The following PFKFB3 variants were observed in gnomAD, a reference collection of about 807,000 sequenced individuals.
PFKFB3 encodes the protein 6-phosphofructo-2-kinase/fructose-2,6-bisphosphatase 3.
Under a neutral mutation model 68.0 loss-of-function variants are expected in PFKFB3, and 33 were observed. The ratio of observed to expected loss-of-function variants is 0.49; its 90% CI spans 0.37 to 0.65. PFKFB3 has a LOEUF of 0.65. PFKFB3 is among the 30% of genes least tolerant of loss of function. The probability of loss-of-function intolerance (pLI) is 0.00; values close to 1 mark genes in which losing one functional copy is unlikely to be tolerated. For missense variants in PFKFB3, 586 were observed against 712.2 expected, an observed-to-expected ratio of 0.82 and a Z score of 2.02; for synonymous variants, 315 against 288.2, an observed-to-expected ratio of 1.09 and a Z score of -0.94.
At chr10:6,246,912 C>T (rs889938751) in intron 14 of PFKFB3, among the ~76,000 whole-genome samples, 6 of 152,156 alleles carry the variant, frequency 3.9e-5, no homozygotes, top group Admixed American at 1.3e-4. Context: ...AGTTAGGTGC[C>T]GAAGAAGCCA....
intron 14 of PFKFB3, among the ~76,000 whole-genome samples, chr10:6,226,979 A>C (rs1845404879): frequency 6.6e-6 from 1 of 152,020 alleles, no homozygotes; most frequent in Admixed American, 6.5e-5. Context: ...CCAGCTTCTC[A>C]GGAGGCTGAG....
chr10:6,232,703 G>A (rs951577929), intron 14 of PFKFB3, among the ~76,000 whole-genome samples, 192 bp from the exon 15 acceptor site: 1 of 151,636 alleles, frequency 6.6e-6, no homozygotes, highest in Non-Finnish European at 1.5e-5. Flanking sequence ...GGGTTATCTT[G>A]CGTCATGTTC....
intron 14 of PFKFB3, among the ~76,000 whole-genome samples, chr10:6,245,373 G>A (rs1364536497): frequency 6.6e-6 from 1 of 151,056 alleles, no homozygotes; most frequent in African/African-American, 2.4e-5. Context: ...AGGATTACTG[G>A]CATGAGCTAC....
intron 1 of PFKFB3, among the ~76,000 whole-genome samples, chr10:6,184,273 G>A (rs192654252): frequency 6.6e-6 from 1 of 151,778 alleles, no homozygotes; most frequent in South Asian, 2.1e-4. Context: ...GCCTGGTCTC[G>A]AGCTTCTGAC....
chr10:6,162,279 A>G (rs1483734961), intron 1 of PFKFB3, among the ~76,000 whole-genome samples: 1 of 152,184 alleles, frequency 6.6e-6, no homozygotes, highest in Non-Finnish European at 1.5e-5. Flanking sequence ...GTATCCATTC[A>G]TCTGTTGTTG....
chr10:6,216,478 C>CT (rs1056743834), intron 4 of PFKFB3, among the ~76,000 whole-genome samples: 10 of 152,094 alleles, frequency 6.6e-5, no homozygotes, highest in African/African-American at 2.4e-4. Context: ...TGCTTGTTTG[C>CT]TTTTGGGGTA....
At chr10:6,212,034 C>T (rs1044507130) in intron 1 of PFKFB3, among the ~76,000 whole-genome samples, 3 of 152,370 alleles carry the variant, frequency 2.0e-5, no homozygotes, top group African/African-American at 7.2e-5. Flanking sequence ...CATAAGCCTG[C>T]TCAGCTCGGA....
the PFKFB3 span, among the ~76,000 whole-genome samples, chr10:6,286,584 GC>G: frequency 6.6e-6 from 1 of 150,896 alleles, no homozygotes; most frequent in African/African-American, 2.4e-5. Context: ...CACTATGTTC[GC>G]CAGGCTGGTC....
intron 1 of PFKFB3, among the ~76,000 whole-genome samples, chr10:6,146,032 G>A (rs1469893824): frequency 6.6e-6 from 1 of 152,284 alleles, no homozygotes; most frequent in East Asian, 1.9e-4. Flanking sequence ...CTCCTGCGCC[G>A]TCTGTTTGGG....
At chr10:6,285,972 G>GTTTTTTT in the PFKFB3 span, among the ~76,000 whole-genome samples, 19 of 89,082 alleles carry the variant, frequency 2.1e-4, no homozygotes, top group East Asian at 3.6e-4. Flanking sequence ...TCCTTTCACT[G>GTTTTTTT]TTTTTTTTTT....
upstream of PFKFB3, among the ~76,000 whole-genome samples, chr10:6,200,950 C>T (rs1564613616): frequency 6.6e-6 from 1 of 152,236 alleles, no homozygotes; most frequent in Non-Finnish European, 1.5e-5. Context: ...TCTGCTCTCC[C>T]TGTGAGCTGA....
At chr10:6,183,260 C>T (rs775341395) in intron 1 of PFKFB3, among the ~76,000 whole-genome samples, 9 of 152,134 alleles carry the variant, frequency 5.9e-5, no homozygotes, top group South Asian at 2.1e-4. Flanking sequence ...GAGAAAAGTC[C>T]GCAGGCCCAG....
chr10:6,316,319 C>G, the PFKFB3 span, among the ~76,000 whole-genome samples: 1 of 152,298 alleles, frequency 6.6e-6, no homozygotes. Context: ...AATGTCAGAG[C>G]CACGTGGAGG....
chr10:6,194,442 G>A (rs1843116879), intron 1 of PFKFB3, among the ~76,000 whole-genome samples: 2 of 152,216 alleles, frequency 1.3e-5, no homozygotes, highest in South Asian at 4.1e-4. Context: ...TTAGCCTGAA[G>A]GATGCCTGTT....
chr10:6,219,713 G>A lies in PFKFB3; in HGVS notation c.623+20G>A, dbSNP rs765526430. ...CGACAGGTGATTCCCGTGGCTGGCC[G>A]TCTCTGCAAGACCCACATGAGGGTT... On this transcript the variant is annotated intron_variant, in intron 7 of 14. Coordinates refer to ENST00000379775, the MANE Select transcript of PFKFB3 (RefSeq NM_004566.4). 9.9e-6 allele frequency: 16 copies of A among 1,611,708 alleles called. 1 individual carries two copies. Among genetic ancestry groups the A allele is most frequent in the East Asian group, 2.2e-5 (1 of 44,854 alleles).
Position 6,154,654 on chromosome 10 carries a change from G to A in PFKFB3, c.16+9641G>A, listed in dbSNP as rs1175661430. Among the ~76,000 whole-genome samples, 2 of 152,206 alleles carry A rather than the reference G, an allele frequency of 1.3e-5. No individual in the cohort carries two copies. Among genetic ancestry groups the A allele is most frequent in the Non-Finnish European group, 2.9e-5 (2 of 68,042 alleles). On this transcript the variant is annotated intron_variant, in intron 1 of 14. Coordinates refer to the PFKFB3 transcript ENST00000379789. This position sits in a 1 kb window ranked among gnomAD's most constrained non-coding sequence, Gnocchi z 4.6. ...GGCAGGAGACCAGGTGGGAGTCTCT[G>A]GGCCTGCTGCAGGTGGCTGCGATCA... is the stretch of plus-strand genomic sequence containing the variant.
chr10:6,145,928 G>A (rs1841375445), intron 1 of PFKFB3, among the ~76,000 whole-genome samples: 1 of 152,238 alleles, frequency 6.6e-6, no homozygotes, highest in Non-Finnish European at 1.5e-5. Context: ...AGAGCCCTGG[G>A]CCCCTCTCAG....
intron 14 of PFKFB3, among the ~76,000 whole-genome samples, chr10:6,240,893 G>A (rs183833286): frequency 6.8e-6 from 1 of 148,116 alleles, no homozygotes; most frequent in Non-Finnish European, 1.5e-5. Context: ...TACTAGTCAG[G>A]TATGTTGTAG....
chr10:6,226,247 C>T lies in PFKFB3; in HGVS notation c.1397C>T (p.Ala466Val). The change falls in exon 14 of 15, where the codon GCC becomes GTC. Residue 466 changes from alanine to valine, a missense_variant. Ala to Val is a moderately conservative substitution (Grantham distance 64). Transcript: ENST00000379775. ...AGACGCAATAGTGTCACCCCGCTAG[C>T]CAGCCCCGAACCCACCAAAAAGCCT... ...LMRRNSVTPL[A>V]SPEPTKKPRI... The T allele has an allele frequency of 6.2e-7, 1 of 1,613,930 alleles. No individual in the cohort carries two copies. The highest frequency in any genetic ancestry group is 8.5e-7 in the Non-Finnish European group (1 of 1,179,884).
Sources: allele counts gnomAD v4.1 joint callset (sites outside exome capture counted in the v4.1 genomes callset), GRCh38; gene constraint gnomAD v4.1.1; non-coding constraint Gnocchi (gnomAD v3.1); transcripts MANE v1.5; gene names NCBI Gene and HGNC (gene_info 2026-07-23, HGNC 2026-07-21).